Variants in DOP1A observed in about 807,000 individuals in gnomAD.
DOP1A encodes protein DOP1A.
In DOP1A, 90 loss-of-function variants were observed where a neutral mutation model predicts 267.6. That is an observed-to-expected ratio of 0.34 (90% confidence interval 0.28 to 0.40). The LOEUF is 0.40. DOP1A is among the 10% of genes least tolerant of loss of function. The pLI, the probability that DOP1A is intolerant of heterozygous loss-of-function variation, is 1.00. For synonymous variants in DOP1A, 932 were observed against 999.1 expected (o/e 0.93, Z 1.27); for missense variants, 2,437 against 2,900.4 (o/e 0.84, Z 3.67).
In DOP1A at chr6:83,138,601, C is replaced by T; in HGVS notation, c.4559C>T (p.Ser1520Phe). 6.2e-7 allele frequency: 1 copy of T among 1,613,786 alleles called. No individual in the cohort carries two copies. The highest frequency in any genetic ancestry group is 8.5e-7 in the Non-Finnish European group (1 of 1,179,896). The change falls in exon 21 of 39, where the codon TCT (serine) becomes TTT (phenylalanine). Residue 1520 changes from serine to phenylalanine, a missense_variant. Physicochemically the swap from Ser to Phe is radical, Grantham distance 155. This residue lies in a region of DOP1A where 878 missense variants were observed against 992.9 expected (regional missense o/e 0.88). Coordinates refer to ENST00000349129, the MANE Select transcript of DOP1A (RefSeq NM_015018.4). Reference protein sequence around the residue: ...GFPSFISDMLSKCKVQKVILH... With the variant: ...GFPSFISDMLFKCKVQKVILH... ...CCTAGTTTTATTTCTGATATGTTATCTAAGTGCAAAGTTCAGAAAGTGATT... is the reference window on the plus strand; with the variant it reads ...CCTAGTTTTATTTCTGATATGTTATTTAAGTGCAAAGTTCAGAAAGTGATT...
intron 1 of DOP1A, among the ~76,000 whole-genome samples, chr6:83,068,245 G>A (rs536560103): frequency 6.6e-6 from 1 of 152,312 alleles, no homozygotes; most frequent in African/African-American, 2.4e-5. Context: ...AGACACGTAG[G>A]CCCGCGATGG....
At chr6:83,106,957 T>C (rs1283177768) in intron 4 of DOP1A, among the ~76,000 whole-genome samples, 1 of 152,182 alleles carries the variant, frequency 6.6e-6, no homozygotes, top group African/African-American at 2.4e-5. Context: ...AGATAGAGCA[T>C]TGGATCTGGC....
intron 24 of DOP1A, among the ~76,000 whole-genome samples, chr6:83,142,422 T>C (rs491454): frequency 0.35 from 52,814 of 151,930 alleles, 10,666 homozygotes; most frequent in African/African-American, 0.56. Context: ...GCAAGAGAAT[T>C]GCTTGAACCT....
At chr6:83,164,604 C>A in intron 38 of DOP1A, 1 of 1,502,496 alleles carries the variant, frequency 6.7e-7, no homozygotes, top group Non-Finnish European at 9.1e-7. Context: ...GTCTTCATGG[C>A]CAAGCATACT....
rs138390903 is a variant in DOP1A at position 83,069,055 on chromosome 6, A to G, written c.-147+1276A>G. Among the ~76,000 whole-genome samples the G allele has an allele frequency of 3.3e-5, 5 of 152,358 alleles. 1 individual carries two copies. The highest frequency in any genetic ancestry group is 1.2e-4 in the African/African-American group (5 of 41,586). On this transcript the variant is annotated intron_variant, in intron 1 of 38. Transcript: ENST00000349129. ...TGTTGTCAGTTAAATGTTTGTATAC[A>G]TTCAAAGAAGTCCTATTTTGTAGTT...
At chr6:83,076,960 T>C (rs1055530340) in intron 1 of DOP1A, among the ~76,000 whole-genome samples, 6 of 152,202 alleles carry the variant, frequency 3.9e-5, no homozygotes, top group Non-Finnish European at 7.3e-5. Flanking sequence ...TTCTGACACA[T>C]GCTATAACAT....
chr6:83,161,271 T>C (rs1784172280), intron 37 of DOP1A: 1 of 152,182 alleles, frequency 6.6e-6, no homozygotes, highest in South Asian at 2.1e-4. Context: ...CATGCCGTTA[T>C]ATTAATTAGT....
At chr6:83,079,431 A>T (rs1447663566) in intron 1 of DOP1A, among the ~76,000 whole-genome samples, 1 of 152,184 alleles carries the variant, frequency 6.6e-6, no homozygotes, top group Non-Finnish European at 1.5e-5. Flanking sequence ...CTGTGATTAA[A>T]ATTTGTTTAC....
At chr6:83,165,459 T>A (rs1785244555) in intron 38 of DOP1A, 1 of 153,154 alleles carries the variant, frequency 6.5e-6, no homozygotes, top group South Asian at 2.0e-4. Flanking sequence ...TTTGGGACCA[T>A]GAATTTTAAG....
chr6:83,162,490 A>G (rs913917866), intron 37 of DOP1A, among the ~76,000 whole-genome samples: 1 of 152,198 alleles, frequency 6.6e-6, no homozygotes, highest in Non-Finnish European at 1.5e-5. Flanking sequence ...CGCTAATGAG[A>G]AAAGAAACAT....
Position 83,137,375 on chromosome 6 carries a change from G to A in DOP1A, c.3333G>A (p.Ser1111=), listed in dbSNP as rs781306226. The change falls in exon 21 of 39, where the codon TCG becomes TCA. Residue 1111 remains serine, a synonymous_variant. Coordinates refer to ENST00000349129, the MANE Select transcript of DOP1A (RefSeq NM_015018.4). ...QQIEILQSSD[S]GCSQSSAGDN... The stretch of plus-strand genomic sequence containing the variant: ...TAGAAATACTTCAGAGTTCTGACTC[G>A]GGATGTTCACAGTCCTCTGCTGGGG... The A allele has an allele frequency of 9.3e-6, 15 of 1,613,618 alleles. No individual in the cohort carries two copies. The highest frequency in any genetic ancestry group is 2.7e-5 in the African/African-American group (2 of 74,880).
intron 1 of DOP1A, among the ~76,000 whole-genome samples, chr6:83,087,897 A>C (rs1175639179): frequency 6.6e-6 from 1 of 151,886 alleles, no homozygotes; most frequent in African/African-American, 2.4e-5. Flanking sequence ...TTTGAGATGA[A>C]GTCTTGCTTT....
At chr6:83,144,663 A>C (rs1017882007) in intron 24 of DOP1A, among the ~76,000 whole-genome samples, 7 of 152,178 alleles carry the variant, frequency 4.6e-5, no homozygotes, top group Non-Finnish European at 1.0e-4. Flanking sequence ...AGAGAGCTAC[A>C]TCTTTGTCTT....
In DOP1A at chr6:83,124,765, A is replaced by G. The variant is rs1185367490; in HGVS notation, c.1401A>G (p.Leu467=). The change falls in exon 13 of 39, where the codon TTA becomes TTG. Residue 467 remains leucine, a synonymous_variant. Transcript: ENST00000349129. ...GAGATAGTAATGACTCATCTGAATT[A>G]CAGCTGACCAATTTCTGCTTACTGG... is the stretch of plus-strand genomic sequence containing the variant. ...GPGDSNDSSE[L]QLTNFCLLVD... is the part of the protein sequence containing the mutation. 3.7e-6 allele frequency: 6 copies of G among 1,613,246 alleles called. No homozygotes were observed. The highest frequency in any genetic ancestry group is 5.1e-6 in the Non-Finnish European group (6 of 1,179,582).
At chr6:83,110,816 A>T (rs1774424664) in intron 6 of DOP1A, among the ~76,000 whole-genome samples, 1 of 152,180 alleles carries the variant, frequency 6.6e-6, no homozygotes, top group Non-Finnish European at 1.5e-5. Flanking sequence ...TCTGCATATG[A>T]TTATGACATT....
chr6:83,086,627 A>G (rs73752516), intron 1 of DOP1A, among the ~76,000 whole-genome samples: 4,331 of 152,298 alleles, frequency 0.028, 152 homozygotes, highest in East Asian at 0.084. Flanking sequence ...AGAGTCCCGG[A>G]AGCCAAAAAC....
At chr6:83,116,753 G>T (rs1775497435) in intron 7 of DOP1A, among the ~76,000 whole-genome samples, 1 of 152,154 alleles carries the variant, frequency 6.6e-6, no homozygotes, top group Non-Finnish European at 1.5e-5. Flanking sequence ...AGAGGTTGCA[G>T]TGAGCCAAGA....
Position 83,100,707 on chromosome 6 carries a change from T to C in DOP1A, c.141T>C (p.Val47=). Residue 47 remains valine, a splice_region_variant and synonymous_variant, in exon 4 of 39, where the codon GTT becomes GTC. Coordinates refer to ENST00000349129, the MANE Select transcript of DOP1A (RefSeq NM_015018.4). ...LISALGKLNK[V]LQNNAKYQVV... is the part of the protein sequence containing the mutation. The stretch of plus-strand genomic sequence containing the variant: ...TACATTAAAATGCTTTCTTCAAGGT[T>C]TTACAAAATAATGCAAAGTACCAAG... 6.8e-7 allele frequency: 1 copy of C among 1,461,980 alleles called. No individual in the cohort carries two copies. Among genetic ancestry groups the C allele is most frequent in the South Asian group, 1.6e-5 (1 of 62,850 alleles). 90.6% of individuals were successfully genotyped at this position (1,461,980 alleles called of 1,614,324 possible). A position where few individuals can be genotyped will look rare whatever the true frequency, so the allele number is the denominator to read the frequency against.
In DOP1A at chr6:83,109,037, G is replaced by C; in HGVS notation, c.448G>C (p.Gly150Arg). 1 of 1,613,506 alleles carries C rather than the reference G, an allele frequency of 6.2e-7. No homozygotes were observed. The highest frequency in any genetic ancestry group is 8.5e-7 in the Non-Finnish European group (1 of 1,179,822). The change falls in exon 5 of 39, where the codon GGT (glycine) becomes CGT (arginine). Residue 150 changes from glycine to arginine, a missense_variant. Coordinates refer to ENST00000349129, the MANE Select transcript of DOP1A (RefSeq NM_015018.4). ...ACCTGGTCTACAGGGATTGCTTACT[G>C]GTATTCTTCCTGGCTTAGAAGAAGG... ...LKPGLQGLLTGILPGLEEGSE... is the reference protein window; with the variant it reads ...LKPGLQGLLTRILPGLEEGSE...
Sources: allele counts gnomAD v4.1 joint callset (sites outside exome capture counted in the v4.1 genomes callset), GRCh38; gene constraint gnomAD v4.1.1; regional missense constraint gnomAD v4.1.1; transcripts MANE v1.5; gene names NCBI Gene and HGNC (gene_info 2026-07-23, HGNC 2026-07-21).